The following GRTP1 variants were observed in gnomAD, a reference collection of about 807,000 sequenced individuals.
GRTP1 encodes growth hormone regulated TBC protein 1, also known as growth hormone-regulated TBC protein 1.
In GRTP1, 56 loss-of-function variants were observed where a neutral mutation model predicts 38.1. That is an observed-to-expected ratio of 1.47 (90% CI 1.19 to 1.84). The LOEUF (loss-of-function observed/expected upper bound fraction) is 1.84. GRTP1 is among the 40% of genes most tolerant of loss of function. The pLI, the probability that GRTP1 is intolerant of heterozygous loss-of-function variation, is 0.00. For missense variants in GRTP1, 506 were observed against 453.9 expected (o/e 1.11, Z -1.04); for synonymous variants, 217 against 189.5 (o/e 1.14, Z -1.19).
chr13:113,354,770 G>A (rs911982740), intron 3 of GRTP1, among the ~76,000 whole-genome samples: 3 of 152,044 alleles, frequency 2.0e-5, no homozygotes, highest in Middle Eastern at 3.2e-3. Context: ...CAGGTGATCC[G>A]CCCTCCTCAG....
At chr13:113,357,317 C>T (rs1167156799) in intron 2 of GRTP1, among the ~76,000 whole-genome samples, 2 of 151,726 alleles carry the variant, frequency 1.3e-5, no homozygotes, top group Non-Finnish European at 2.9e-5. Context: ...TGATGGCTCA[C>T]GTCTGTAGTC....
Position 113,342,319 on chromosome 13 carries a change from CA to C in GRTP1, c.562+2543del, listed in dbSNP as rs1345288943. On this transcript the variant is annotated intron_variant, in intron 5 of 7. Coordinates refer to ENST00000375431, the MANE Select transcript of GRTP1 (RefSeq NM_024719.4). This position sits in a 1 kb window ranked among gnomAD's most constrained non-coding sequence, Gnocchi z 4.5. ...AGGAGATCGAGACCATCCTGGCTAACACGGTGAAACCCCATCTCTACTAAAA... is the reference window on the plus strand; with the variant it reads ...AGGAGATCGAGACCATCCTGGCTAACCGGTGAAACCCCATCTCTACTAAAA... Among the ~76,000 whole-genome samples the C allele has an allele frequency of 2.0e-5, 3 of 151,888 alleles. No homozygotes were observed. The highest frequency in any genetic ancestry group is 4.4e-5 in the Non-Finnish European group (3 of 67,992).
chr13:113,347,518 G>GGAT, intron 4 of GRTP1, among the ~76,000 whole-genome samples: 4 of 81,584 alleles, frequency 4.9e-5, no homozygotes, highest in Admixed American at 1.1e-4. Flanking sequence ...GGACCCAGGA[G>GGAT]CACCTCTGTG....
At chr13:113,333,884 G>C (rs1441154067) in intron 5 of GRTP1, among the ~76,000 whole-genome samples, 1 of 134,742 alleles carries the variant, frequency 7.4e-6, no homozygotes, top group Non-Finnish European at 1.6e-5. Flanking sequence ...TCCGAGGCTG[G>C]AGTGCAGTAG....
intron 4 of GRTP1, among the ~76,000 whole-genome samples, chr13:113,347,607 G>T (rs1463892728): frequency 9.5e-5 from 7 of 74,042 alleles, no homozygotes; most frequent in African/African-American, 4.0e-4. Flanking sequence ...GACCCGGGAG[G>T]ACCTCTGTGG....
In GRTP1 at chr13:113,326,060, C is replaced by T. The variant is rs774404063; in HGVS notation, c.594G>A (p.Lys198=). The change falls in exon 6 of 8, where the codon AAG becomes AAA. Residue 198 remains lysine, a synonymous_variant. Coordinates refer to ENST00000375431, the MANE Select transcript of GRTP1 (RefSeq NM_024719.4). ...GCTCCCCGAGGACCTCCTGGTCGGT[C>T]TTCAGGCCCAGCATGGCCGGGCTGT... ...DYYSPAMLGL[K]TDQEVLGELV... The T allele has an allele frequency of 1.2e-6, 2 of 1,611,982 alleles. No homozygotes were observed. The highest frequency in any genetic ancestry group is 1.7e-6 in the Non-Finnish European group (2 of 1,179,998).
chr13:113,335,303 A>C (rs936015456), intron 5 of GRTP1, among the ~76,000 whole-genome samples: 1 of 151,772 alleles, frequency 6.6e-6, no homozygotes, highest in Non-Finnish European at 1.5e-5. Flanking sequence ...TGTGCCTGTA[A>C]TCCCAGCTAC....
intron 5 of GRTP1, among the ~76,000 whole-genome samples, chr13:113,328,461 C>G (rs2139396713): frequency 6.6e-6 from 1 of 152,346 alleles, no homozygotes; most frequent in East Asian, 1.9e-4. Flanking sequence ...CTCACATGCA[C>G]TCACAGGCCA....
intron 4 of GRTP1, among the ~76,000 whole-genome samples, chr13:113,346,584 A>G (rs867723179): frequency 0.075 from 76 of 1,012 alleles, 7 homozygotes; most frequent in African/African-American, 0.083. Context: ...GTGGCCGAGA[A>G]CAGACCCGGG....
chr13:113,357,452 A>AAAAAAAAAAAAAAG, intron 2 of GRTP1, among the ~76,000 whole-genome samples: 1 of 150,498 alleles, frequency 6.6e-6, no homozygotes, highest in Non-Finnish European at 1.5e-5. Context: ...AAAAAAAAAA[A>AAAAAAAAAAAAAAG]AAAAAAAAAG....
At chr13:113,346,640 G>A (rs1419387526) in intron 4 of GRTP1, among the ~76,000 whole-genome samples, 259 of 1,348 alleles carry the variant, frequency 0.19, 114 homozygotes, top group African/African-American at 0.22. Flanking sequence ...CTCTGTGGCT[G>A]AGAGCGGACC....
chr13:113,332,171 C>A (rs892341367), intron 5 of GRTP1, among the ~76,000 whole-genome samples: 1 of 152,118 alleles, frequency 6.6e-6, no homozygotes, highest in African/African-American at 2.4e-5. Flanking sequence ...CCATCAGATT[C>A]CCTGACTGTG....
intron 5 of GRTP1, 61 bp from the exon 6 acceptor site, chr13:113,326,152 C>G (rs186071874): frequency 8.9e-6 from 14 of 1,579,078 alleles, no homozygotes; most frequent in Non-Finnish European, 1.2e-5. Flanking sequence ...AAGCCCCATT[C>G]CCCTCAGAGC....
Position 113,363,760 on chromosome 13 carries a change from A to C in GRTP1, c.181+2T>G. The C allele has an allele frequency of 6.2e-7, 1 of 1,603,224 alleles. No homozygotes were observed. Among genetic ancestry groups the C allele is most frequent in the East Asian group, 2.3e-5 (1 of 44,406 alleles). Reference sequence around the variant, plus strand: ...GGACCCACCTGCGCCCCCGGGACCCACCTGTCCGGCTCCTGGGGACGCCCC... The same window carrying C: ...GGACCCACCTGCGCCCCCGGGACCCCCCTGTCCGGCTCCTGGGGACGCCCC... On this transcript the variant is annotated splice_donor_variant, in intron 2 of 7. Coordinates refer to ENST00000375431, the MANE Select transcript of GRTP1 (RefSeq NM_024719.4). LOFTEE classifies it high-confidence loss of function.
intron 5 of GRTP1, among the ~76,000 whole-genome samples, chr13:113,340,697 G>A (rs1239230636): frequency 1.3e-5 from 2 of 151,270 alleles, no homozygotes; most frequent in Non-Finnish European, 2.9e-5. Context: ...GGAGAATGGC[G>A]TGAACCCGGG....
Position 113,346,051 on chromosome 13 carries a change from C to T in GRTP1, c.466-1092G>A, listed in dbSNP as rs753328470. 1.1e-3 allele frequency among the ~76,000 whole-genome samples: 8 copies of T among 7,202 alleles called. No individual in the cohort carries two copies. The South Asian group carries it at 0.017, about 16-fold the overall frequency. 4.7% of individuals were successfully genotyped at this position (7,202 alleles called of 152,430 possible). A position where few individuals can be genotyped will look rare whatever the true frequency, so the allele number is the denominator to read the frequency against. ...CTGGGAAGACATCTGTGGCCGAGAG[C>T]AGACCCGGGAGGACCTCTGCGGCTG... On this transcript the variant is annotated intron_variant, in intron 4 of 7. Transcript: ENST00000375431.
In GRTP1 at chr13:113,343,789, G is replaced by A. The variant is rs1351001138; in HGVS notation, c.562+1074C>T. ...GCTCCAAACACTGGGGACTGGCCCG[G>A]CTGCCCCTCACGTCTCCTCTGCCCT... On this transcript the variant is annotated intron_variant, in intron 5 of 7. Coordinates refer to ENST00000375431, the MANE Select transcript of GRTP1 (RefSeq NM_024719.4). This position sits in a 1 kb window ranked among gnomAD's most constrained non-coding sequence, Gnocchi z 4.8. Among the ~76,000 whole-genome samples the A allele has an allele frequency of 6.6e-6, 1 of 152,198 alleles. No homozygotes were observed. Among genetic ancestry groups the A allele is most frequent in the Non-Finnish European group, 1.5e-5 (1 of 68,034 alleles).
chr13:113,326,385 G>C (rs1451847456), intron 5 of GRTP1, among the ~76,000 whole-genome samples: 1 of 85,772 alleles, frequency 1.2e-5, no homozygotes, highest in Non-Finnish European at 2.2e-5. Flanking sequence ...GGTGGGGGGG[G>C]GGGGGGCGGG....
chr13:113,329,348 C>A (rs552056150), intron 5 of GRTP1, among the ~76,000 whole-genome samples: 1 of 152,126 alleles, frequency 6.6e-6, no homozygotes, highest in Non-Finnish European at 1.5e-5. Context: ...GAGGCTGAGA[C>A]GGGTAGATCA....
Sources: gnomAD v4.1 joint callset for allele counts (sites outside exome capture counted in the v4.1 genomes callset) on GRCh38, gnomAD v4.1.1 for gene constraint, Gnocchi (gnomAD v3.1) non-coding constraint, MANE v1.5 for transcripts, NCBI Gene and HGNC (gene_info 2026-07-23, HGNC 2026-07-21) for gene names.